ATG2B: variants seen among roughly 807,000 people sequenced by gnomAD.
The protein encoded by ATG2B is autophagy related 2B.
Under a neutral mutation model 241.3 loss-of-function variants are expected in ATG2B, and 121 were observed. The ratio of observed to expected loss-of-function variants is 0.50; its 90% CI spans 0.43 to 0.58. The LOEUF is 0.58. Ranked by LOEUF, ATG2B falls within the 20% of genes least tolerant of loss-of-function variation. The probability of loss-of-function intolerance (pLI) is 0.00; values close to 1 mark genes in which losing one functional copy is unlikely to be tolerated. For missense variants in ATG2B, 2,306 were observed against 2,491.6 expected (o/e 0.93, Z 1.59); for synonymous variants, 858 against 876.6 (o/e 0.98, Z 0.37).
At chr14:96,334,809 G>C (rs1887828334) in intron 6 of ATG2B, among the ~76,000 whole-genome samples, 1 of 152,108 alleles carries the variant, frequency 6.6e-6, no homozygotes, top group Non-Finnish European at 1.5e-5. Context: ...TAGTCTCCAA[G>C]GATGAATATT....
At chr14:96,361,320 G>C (rs1239679736) in intron 1 of ATG2B, among the ~76,000 whole-genome samples, 1 of 152,106 alleles carries the variant, frequency 6.6e-6, no homozygotes, top group Admixed American at 6.6e-5. Context: ...CCTTTCTTTT[G>C]ATCTTAGGCC....
rs140926455 is a variant in ATG2B, at chr14:96,356,897, T to G, written c.162+5918A>C. Among the ~76,000 whole-genome samples the G allele has an allele frequency of 5.7e-3, 873 of 152,300 alleles. 12 individuals are homozygous for G. Among genetic ancestry groups the G allele is most frequent in the Admixed American group, 0.023 (349 of 15,300 alleles). ...ACCCAATTTAGAGTAAAATAATGTA[T>G]GTAAAAGCACCCACACAGTACAGTA... On this transcript the variant is annotated intron_variant, in intron 1 of 41. Coordinates refer to ENST00000359933, the MANE Select transcript of ATG2B (RefSeq NM_018036.7).
At chr14:96,323,342 C>G (rs1388090701) in intron 16 of ATG2B, among the ~76,000 whole-genome samples, 1 of 152,146 alleles carries the variant, frequency 6.6e-6, no homozygotes, top group Non-Finnish European at 1.5e-5. Context: ...AATCCCTTTC[C>G]TAAGCTTCTA....
chr14:96,345,255 C>G lies in ATG2B; in HGVS notation c.456G>C (p.Lys152Asn). Reference sequence around the variant, plus strand: ...AACCTGTTTCAATGGTTTCAGCAAACTTTTCAAGTCCTTCAAAAGGCTGGG... The same window carrying G: ...AACCTGTTTCAATGGTTTCAGCAAAGTTTTCAAGTCCTTCAAAAGGCTGGG... ...EGSQPFEGLE[K>N]FAETIETVLR... is the part of the protein sequence containing the mutation. The change falls in exon 3 of 42, where the codon AAG (lysine) becomes AAC (asparagine). Residue 152 changes from lysine to asparagine, a missense_variant. This residue lies in a region of ATG2B where 1,927 missense variants were observed against 2,011.2 expected (regional missense o/e 0.96). Transcript: ENST00000359933. 6.2e-7 allele frequency: 1 copy of G among 1,611,084 alleles called. No homozygotes were observed. The highest frequency in any genetic ancestry group is 8.5e-7 in the Non-Finnish European group (1 of 1,179,036).
At chr14:96,360,026 C>T (rs1888582544) in intron 1 of ATG2B, among the ~76,000 whole-genome samples, 1 of 152,220 alleles carries the variant, frequency 6.6e-6, no homozygotes, top group Admixed American at 6.5e-5. Flanking sequence ...GTTCCTTCCA[C>T]TTCTGCACAC....
In ATG2B at chr14:96,344,671, A is replaced by G; in HGVS notation, c.564T>C (p.Leu188=). Residue 188 remains leucine, a synonymous_variant, in exon 4 of 42, where the codon CTT becomes CTC. Transcript: ENST00000359933. ...VPENSKTGTA[L]EIRIERTVYC... ...ATTCTTACCTTTCTATTCGAATTTCAAGTGCAGTTCCAGTTTTGGAATTTT... is the reference window on the plus strand; with the variant it reads ...ATTCTTACCTTTCTATTCGAATTTCGAGTGCAGTTCCAGTTTTGGAATTTT... 6.3e-7 allele frequency: 1 copy of G among 1,599,950 alleles called. No homozygotes were observed. The highest frequency in any genetic ancestry group is 8.5e-7 in the Non-Finnish European group (1 of 1,171,264).
chr14:96,288,820 A>C (rs945809791), intron 41 of ATG2B, among the ~76,000 whole-genome samples: 5 of 151,954 alleles, frequency 3.3e-5, no homozygotes, highest in Non-Finnish European at 7.4e-5. Context: ...AAAAAAAAAA[A>C]AACAGGGTTC....
chr14:96,299,143 T>A (rs1326032658), intron 34 of ATG2B, among the ~76,000 whole-genome samples: 1 of 152,152 alleles, frequency 6.6e-6, no homozygotes. Context: ...GAGCACTTAC[T>A]TATCTTCCTT....
chr14:96,296,814 A>C (rs1026428174), intron 34 of ATG2B, among the ~76,000 whole-genome samples: 1 of 152,022 alleles, frequency 6.6e-6, no homozygotes, highest in African/African-American at 2.4e-5. Context: ...TAAAACATTA[A>C]TACTGTGCCA....
At chr14:96,345,624 T>C (rs976637329) in intron 2 of ATG2B, among the ~76,000 whole-genome samples, 7 of 152,136 alleles carry the variant, frequency 4.6e-5, no homozygotes, top group African/African-American at 1.7e-4. Context: ...TCTCACAACA[T>C]GTTATATTTT....
chr14:96,341,489 G>T (rs749907289), intron 6 of ATG2B, 33 bp downstream of exon 6: 3 of 1,497,054 alleles, frequency 2.0e-6, no homozygotes, highest in East Asian at 4.7e-5. Context: ...CTTTTATTTT[G>T]GTTTTACTAC....
At chr14:96,304,248 G>C (rs1886870858) in intron 32 of ATG2B, among the ~76,000 whole-genome samples, 1 of 152,186 alleles carries the variant, frequency 6.6e-6, no homozygotes, top group African/African-American at 2.4e-5. Flanking sequence ...GGGGATTCTG[G>C]GCTTGCTCAA....
intron 6 of ATG2B, among the ~76,000 whole-genome samples, chr14:96,337,793 G>A (rs1315728746): frequency 6.6e-6 from 1 of 152,070 alleles, no homozygotes; most frequent in Non-Finnish European, 1.5e-5. Flanking sequence ...TTTTAGGGTT[G>A]TTTTTTCTAG....
At position 96,311,466 on chromosome 14, in the gene ATG2B, G is replaced by A. The variant is rs1175684549; in HGVS notation, c.3990+76C>T. The stretch of plus-strand genomic sequence containing the variant: ...TATTTCTGACCAAAATTAGGTACAC[G>A]GAAAAATGTTAAACTCAATTTTTTT... On this transcript the variant is annotated intron_variant, in intron 27 of 41. Coordinates refer to ENST00000359933, the MANE Select transcript of ATG2B (RefSeq NM_018036.7). 9.0e-6 allele frequency: 12 copies of A among 1,329,402 alleles called. No individual in the cohort carries two copies. The East Asian group carries it at 1.0e-4, about 11-fold the overall frequency. 82.4% of individuals were successfully genotyped at this position (1,329,402 alleles called of 1,614,324 possible).
At chr14:96,324,775 A>T (rs952117302) in intron 15 of ATG2B, among the ~76,000 whole-genome samples, 1 of 152,192 alleles carries the variant, frequency 6.6e-6, no homozygotes, top group Admixed American at 6.5e-5. Flanking sequence ...GAGATAAGGG[A>T]TGATCTCACA....
rs1469977314 is a variant in ATG2B at position 96,315,532 on chromosome 14, G to A, written c.3413C>T (p.Thr1138Ile). Residue 1138 changes from threonine to isoleucine, a missense_variant, in exon 22 of 42, where the codon ACC (threonine) becomes ATC (isoleucine). Physicochemically the swap from Thr to Ile is moderately conservative, Grantham distance 89. Transcript: ENST00000359933. ...LPTETRLPSS[T>I]RPHWLEPTIY... ...AGTAGGTTCCAACCAGTGTGGGCGG[G>A]TTGAGCTGGGAAGTCGTGTTTCTGT... The A allele has an allele frequency of 6.2e-7, 1 of 1,614,028 alleles. No individual in the cohort carries two copies. The highest frequency in any genetic ancestry group is 8.5e-7 in the Non-Finnish European group (1 of 1,180,022).
rs980451258 is a variant in ATG2B at position 96,329,578 on chromosome 14, C to G, written c.1787G>C (p.Arg596Pro). ...SYEQRQRSAS[R>P]YFSTDMSIGQ... ...AATGGACATATCAGTACTAAAATAT[C>G]GGGAAGCTGATCTTTGTCTTTGTTC... Residue 596 changes from arginine to proline, a missense_variant, in exon 12 of 42, where the codon CGA becomes CCA. Physicochemically the swap from Arg to Pro is moderately radical, Grantham distance 103 (BLOSUM62 -2). Coordinates refer to ENST00000359933, the MANE Select transcript of ATG2B (RefSeq NM_018036.7). The G allele has an allele frequency of 6.2e-7, 1 of 1,610,928 alleles. No individual in the cohort carries two copies. The highest frequency in any genetic ancestry group is 8.5e-7 in the Non-Finnish European group (1 of 1,177,590).
In ATG2B at chr14:96,333,924, T is replaced by C. The variant is rs377061598; in HGVS notation, c.1022-51A>G. The C allele has an allele frequency of 2.0e-6, 3 of 1,529,518 alleles. No individual in the cohort carries two copies. In the East Asian group the frequency reaches 6.8e-5, roughly 34 times the overall value. 94.7% of individuals were successfully genotyped at this position (1,529,518 alleles called of 1,614,324 possible). ...AACAGTAATTAAATTTGGAGTTAAT[T>C]AAGCATTTCTTTCCCAAAACCCATT... On this transcript the variant is annotated intron_variant, in intron 7 of 41. Transcript: ENST00000359933.
At chr14:96,337,406 A>G (rs1379717123) in intron 6 of ATG2B, among the ~76,000 whole-genome samples, 3 of 152,174 alleles carry the variant, frequency 2.0e-5, no homozygotes, top group African/African-American at 7.2e-5. Context: ...ATTCCCTAAG[A>G]GGCAAATATA....
Sources: allele counts gnomAD v4.1 joint callset (sites outside exome capture counted in the v4.1 genomes callset), GRCh38; gene constraint gnomAD v4.1.1; regional missense constraint gnomAD v4.1.1; transcripts MANE v1.5; gene names NCBI Gene and HGNC (gene_info 2026-07-23, HGNC 2026-07-21).